Variants in FOXA3 observed in about 807,000 individuals in gnomAD.
The protein encoded by FOXA3 is hepatocyte nuclear factor 3-gamma.
FOXA3 carries 11 observed loss-of-function variants against 16.9 expected under a neutral mutation model. The ratio of observed to expected loss-of-function variants is 0.65; its 90% confidence interval spans 0.41 to 1.08. The LOEUF (loss-of-function observed/expected upper bound fraction) is 1.08, where lower values mean the gene tolerates loss of function less well. FOXA3 is among the 50% of genes least tolerant of loss of function. The pLI is 0.00. For missense variants in FOXA3, 423 were observed against 470.1 expected (o/e 0.90, Z 0.93); for synonymous variants, 217 against 203.3 (o/e 1.07, Z -0.57).
chr19:45,870,489 G>A (rs2146361985), intron 1 of FOXA3, among the ~76,000 whole-genome samples: 1 of 151,804 alleles, frequency 6.6e-6, no homozygotes, highest in East Asian at 1.9e-4. Flanking sequence ...AACTCTTTAT[G>A]ATTACTAAAA....
rs200491833 is a variant in FOXA3, at chr19:45,872,892, C to T, written c.887C>T (p.Ala296Val). The part of the protein sequence containing the change: ...LELPGELKLD[A>V]PYNFNHPFSI... ...CTCCCAGGGGAGCTGAAGCTGGACG[C>T]GCCCTACAACTTCAACCACCCTTTC... Residue 296 changes from alanine to valine, a missense_variant, in exon 2 of 2, where the codon GCG becomes GTG. Around this residue, in one of 3 missense-constraint regions of FOXA3, gnomAD observed 168 missense variants for 179.3 expected, o/e 0.94. Coordinates refer to ENST00000302177, the MANE Select transcript of FOXA3 (RefSeq NM_004497.3). This position sits in a 1 kb window ranked among gnomAD's most constrained non-coding sequence, Gnocchi z 4.5. 1.3e-5 allele frequency: 21 copies of T among 1,614,074 alleles called. No homozygotes were observed. Among genetic ancestry groups the T allele is most frequent in the Middle Eastern group, 1.6e-4 (1 of 6,062 alleles).
chr19:45,869,598 A>C (rs1208910354), intron 1 of FOXA3, among the ~76,000 whole-genome samples: 1 of 152,162 alleles, frequency 6.6e-6, no homozygotes, highest in Non-Finnish European at 1.5e-5. Context: ...TGCATTTTAC[A>C]GTCAACAGTG....
In FOXA3 at chr19:45,872,313, A is replaced by G; in HGVS notation, c.308A>G (p.Lys103Arg). ...CCGGGTCCTGGGCTGGTGCACGGGA[A>G]GGAGATGCCGAAGGGGTATCGGCGG... ...GAPGPGLVHG[K>R]EMPKGYRRPL... The change falls in exon 2 of 2, where the codon AAG becomes AGG. Residue 103 changes from lysine (K) to arginine (R), a missense_variant. This residue lies in a region of FOXA3 where 170 missense variants were observed against 153.9 expected (regional missense o/e 1.10). Transcript: ENST00000302177. The surrounding 1 kb of genome is among the most constrained non-coding windows in gnomAD (Gnocchi z 4.5). 1.2e-6 allele frequency: 2 copies of G among 1,614,100 alleles called. No individual in the cohort carries two copies. The highest frequency in any genetic ancestry group is 1.1e-5 in the South Asian group (1 of 91,088).
Position 45,872,453 on chromosome 19 carries a change from C to G in FOXA3, c.448C>G (p.Leu150Val). 1 of 1,614,218 alleles carries G rather than the reference C, an allele frequency of 6.2e-7. No individual in the cohort carries two copies. The highest frequency in any genetic ancestry group is 8.5e-7 in the Non-Finnish European group (1 of 1,180,036). ...LSEIYQWIMD[L>V]FPYYRENQQR... ...TGAAATCTACCAGTGGATCATGGAC[C>G]TCTTCCCTTACTACCGGGAGAATCA... Residue 150 changes from leucine (L) to valine (V), a missense_variant, in exon 2 of 2, where the codon CTC (leucine) becomes GTC (valine). Physicochemically the swap from Leu to Val is conservative, Grantham distance 32 (BLOSUM62 1). Around this residue, in one of 3 missense-constraint regions of FOXA3, gnomAD observed 85 missense variants for 136.9 expected, o/e 0.62. Coordinates refer to ENST00000302177, the MANE Select transcript of FOXA3 (RefSeq NM_004497.3). The surrounding 1 kb of genome is among the most constrained non-coding windows in gnomAD (Gnocchi z 4.5).
At chr19:45,867,779 C>CAA (rs60785587) in intron 1 of FOXA3, among the ~76,000 whole-genome samples, 723 of 55,304 alleles carry the variant, frequency 0.013, 36 homozygotes, top group Non-Finnish European at 0.017. Context: ...GACTCTATCT[C>CAA]AAAAAAAAAA....
At chr19:45,870,468 C>T (rs534006403) in intron 1 of FOXA3, among the ~76,000 whole-genome samples, 20 of 152,114 alleles carry the variant, frequency 1.3e-4, no homozygotes, top group East Asian at 3.9e-4. Context: ...CCACCGTGCC[C>T]GGCCTATAAT....
chr19:45,870,972 C>A (rs1297500521), intron 1 of FOXA3, among the ~76,000 whole-genome samples: 2 of 151,774 alleles, frequency 1.3e-5, no homozygotes, highest in African/African-American at 2.4e-5. Flanking sequence ...TGCCTATAAT[C>A]CCAGCTACTT....
Position 45,865,691 on chromosome 19 carries a change from G to T in FOXA3, c.69+1166G>T, listed in dbSNP as rs201661006. 5.9e-5 allele frequency among the ~76,000 whole-genome samples: 9 copies of T among 152,074 alleles called. No homozygotes were observed. In the East Asian group the frequency reaches 1.7e-3, roughly 29 times the overall value. On this transcript the variant is annotated intron_variant, in intron 1 of 1. Coordinates refer to ENST00000302177, the MANE Select transcript of FOXA3 (RefSeq NM_004497.3). ...TTGGGTCTGGGGCTCGAAACTGTAG[G>T]GTGGGACTCCTGGATCCCCAGGCCT...
chr19:45,870,138 T>C (rs1966891923), intron 1 of FOXA3, among the ~76,000 whole-genome samples: 2 of 150,756 alleles, frequency 1.3e-5, no homozygotes, highest in African/African-American at 4.9e-5. Context: ...CACATATATG[T>C]TAGATATGTT....
intron 1 of FOXA3, among the ~76,000 whole-genome samples, chr19:45,868,033 C>A (rs957619416): frequency 7.4e-6 from 1 of 134,392 alleles, no homozygotes; most frequent in Non-Finnish European, 1.6e-5. Context: ...GAAAACAATG[C>A]GGGGGTGGGG....
chr19:45,867,933 G>C (rs920489363), intron 1 of FOXA3, among the ~76,000 whole-genome samples: 1 of 151,226 alleles, frequency 6.6e-6, no homozygotes, highest in African/African-American at 2.4e-5. Flanking sequence ...GACAGGGGCC[G>C]AGATGGAGGG....
rs1966926764 is a variant in FOXA3, at chr19:45,873,068, G to T, written c.*10G>T. 1 of 1,576,670 alleles carries T rather than the reference G, an allele frequency of 6.3e-7. No individual in the cohort carries two copies. Among genetic ancestry groups the T allele is most frequent in the East Asian group, 2.3e-5 (1 of 43,542 alleles). On this transcript the variant is annotated 3_prime_UTR_variant, in exon 2 of 2. Transcript: ENST00000302177. ...GCTTAATGCATCCTAGCAGGGGTTG[G>T]GAACATGGTGGTGGGTATGGCTGGA...
intron 1 of FOXA3, among the ~76,000 whole-genome samples, chr19:45,870,017 C>T (rs1966891126): frequency 6.6e-6 from 1 of 151,978 alleles, no homozygotes; most frequent in South Asian, 2.1e-4. Context: ...AACTCCTGAC[C>T]TCAAGTGATC....
At position 45,873,084 on chromosome 19, in the gene FOXA3, T is replaced by C. The variant is rs1218668384; in HGVS notation, c.*26T>C. On this transcript the variant is annotated 3_prime_UTR_variant, in exon 2 of 2. Transcript: ENST00000302177. ...CAGGGGTTGGGAACATGGTGGTGGGTATGGCTGGAGCTCACACCACGAAGC... is the reference window on the plus strand; with the variant it reads ...CAGGGGTTGGGAACATGGTGGTGGGCATGGCTGGAGCTCACACCACGAAGC... 8 of 1,566,118 alleles carry C rather than the reference T, an allele frequency of 5.1e-6. No individual in the cohort carries two copies. In the East Asian group the frequency reaches 1.9e-4, roughly 37 times the overall value.
At chr19:45,869,351 G>A (rs902416779) in intron 1 of FOXA3, among the ~76,000 whole-genome samples, 3 of 152,156 alleles carry the variant, frequency 2.0e-5, no homozygotes, top group African/African-American at 7.2e-5. Context: ...ACCTCTCTGG[G>A]CCTCAGCTAG....
At chr19:45,871,213 T>A (rs571329018) in intron 1 of FOXA3, among the ~76,000 whole-genome samples, 2 of 152,288 alleles carry the variant, frequency 1.3e-5, no homozygotes, top group South Asian at 2.1e-4. Context: ...AAAATAGCAA[T>A]CATTTGTTAG....
In FOXA3 at chr19:45,871,590, CT is replaced by C. The variant is rs1276663988; in HGVS notation, c.70-484del. Among the ~76,000 whole-genome samples, 5 of 142,582 alleles carry C rather than the reference CT, an allele frequency of 3.5e-5. No individual in the cohort carries two copies. In the East Asian group the frequency reaches 1.0e-3, roughly 29 times the overall value. 93.5% of individuals were successfully genotyped at this position (142,582 alleles called of 152,430 possible). On this transcript the variant is annotated intron_variant, in intron 1 of 1. Transcript: ENST00000302177. ...AAATACAAAAAAAAAAAAAAAAAAGCTGGCGTGGTGGCACACACCTGTAATC... is the reference window on the plus strand; with the variant it reads ...AAATACAAAAAAAAAAAAAAAAAAGCGGCGTGGTGGCACACACCTGTAATC...
At chr19:45,868,901 C>T (rs983627332) in intron 1 of FOXA3, among the ~76,000 whole-genome samples, 3 of 152,174 alleles carry the variant, frequency 2.0e-5, no homozygotes, top group African/African-American at 7.2e-5. Flanking sequence ...GCATTTCTGT[C>T]TGTCTTAGTC....
chr19:45,865,394 C>T (rs1402917972), intron 1 of FOXA3, among the ~76,000 whole-genome samples: 1 of 152,146 alleles, frequency 6.6e-6, no homozygotes, highest in African/African-American at 2.4e-5. Flanking sequence ...ATCCCCTCAC[C>T]TGGACAGACA....
Sources: gnomAD v4.1 joint callset for allele counts (sites outside exome capture counted in the v4.1 genomes callset) on GRCh38, gnomAD v4.1.1 for gene constraint, gnomAD v4.1.1 regional missense constraint, Gnocchi (gnomAD v3.1) non-coding constraint, MANE v1.5 for transcripts, NCBI Gene and HGNC (gene_info 2026-07-23, HGNC 2026-07-21) for gene names.